Variants in PGM5 observed in about 807,000 individuals in gnomAD.
The protein encoded by PGM5 is phosphoglucomutase 5.
Under a neutral mutation model 59.2 loss-of-function variants are expected in PGM5, and 23 were observed. That is an observed-to-expected ratio of 0.39 (90% CI 0.28 to 0.55). PGM5 has a LOEUF of 0.55. Among genes scored for constraint, PGM5 ranks in the 20% least tolerant of loss-of-function variants. The pLI is 0.66. For synonymous variants in PGM5, 214 were observed against 286.0 expected (o/e 0.75, Z 2.54); for missense variants, 574 against 748.3 (o/e 0.77, Z 2.72).
At chr9:68,383,349 T>G (rs1822125822) in intron 2 of PGM5, among the ~76,000 whole-genome samples, 1 of 152,110 alleles carries the variant, frequency 6.6e-6, no homozygotes, top group Non-Finnish European at 1.5e-5. Flanking sequence ...AACTACTATA[T>G]CTAAAATATT....
At chr9:68,370,724 T>C (rs1821675344) in intron 1 of PGM5, among the ~76,000 whole-genome samples, 2 of 152,354 alleles carry the variant, frequency 1.3e-5, no homozygotes, top group South Asian at 4.1e-4. Flanking sequence ...GGTATGCTCA[T>C]TTATGGATGA....
chr9:68,394,249 C>T (rs1286198409), intron 6 of PGM5: 3 of 152,092 alleles, frequency 2.0e-5, no homozygotes, highest in African/African-American at 7.2e-5. Context: ...ATAAATTTTA[C>T]CTTATGAATG....
intron 6 of PGM5, among the ~76,000 whole-genome samples, chr9:68,406,953 T>C (rs1554681188): frequency 1.3e-5 from 2 of 151,768 alleles, no homozygotes; most frequent in African/African-American, 4.8e-5. Context: ...TTTCTTGCTG[T>C]GTATATTCAC....
At chr9:68,510,372 C>T (rs964158399) in intron 10 of PGM5, among the ~76,000 whole-genome samples, 5 of 151,900 alleles carry the variant, frequency 3.3e-5, no homozygotes, top group Non-Finnish European at 7.4e-5. Context: ...AGGATGGTCT[C>T]GATCTCCTGA....
chr9:68,376,952 A>C (rs1821936042), intron 1 of PGM5, among the ~76,000 whole-genome samples: 1 of 141,664 alleles, frequency 7.1e-6, no homozygotes, highest in Non-Finnish European at 1.5e-5. Context: ...CCTCAGACAG[A>C]GTCTCACTCT....
intron 6 of PGM5, among the ~76,000 whole-genome samples, chr9:68,417,314 C>T (rs1823050381): frequency 6.6e-6 from 1 of 152,204 alleles, no homozygotes; most frequent in African/African-American, 2.4e-5. Context: ...CTTCAGCTTT[C>T]AGGCTGATCC....
chr9:68,521,650 G>A (rs1249434890), intron 10 of PGM5, among the ~76,000 whole-genome samples: 1 of 152,168 alleles, frequency 6.6e-6, no homozygotes, highest in Admixed American at 6.5e-5. Context: ...AGGGACATTT[G>A]GGAGGGATGG....
chr9:68,361,683 T>C lies in PGM5; in HGVS notation c.261+4295T>C, dbSNP rs540660494. 6.6e-5 allele frequency among the ~76,000 whole-genome samples: 10 copies of C among 152,332 alleles called. No individual in the cohort carries two copies. The South Asian group carries it at 2.1e-3, about 32-fold the overall frequency. On this transcript the variant is annotated intron_variant, in intron 1 of 10. Coordinates refer to ENST00000396396, the MANE Select transcript of PGM5 (RefSeq NM_021965.4). ...TTTATAAGGGCACTAATTCCAATCA[T>C]GAGGGCTCTGTCCTTATGATCTAAT...
chr9:68,526,668 A>C (rs1307183759), intron 10 of PGM5, among the ~76,000 whole-genome samples: 2 of 152,170 alleles, frequency 1.3e-5, no homozygotes, highest in African/African-American at 4.8e-5. Context: ...TGATTCCTTT[A>C]TATTACAGCG....
rs1300830518 is a variant in PGM5, at chr9:68,457,653, A to G, written c.1044-7440A>G. ...ATGCTAATTGGATATAGAAAAGAGA[A>G]CAAACAAAAATAGTTTAAGAGACAT... On this transcript the variant is annotated intron_variant, in intron 6 of 10. Coordinates refer to ENST00000396396, the MANE Select transcript of PGM5 (RefSeq NM_021965.4). Among the ~76,000 whole-genome samples the G allele has an allele frequency of 3.3e-5, 5 of 152,364 alleles. No homozygotes were observed. The East Asian group carries it at 9.6e-4, about 29-fold the overall frequency.
At chr9:68,403,667 AC>A (rs782464550) in intron 6 of PGM5, among the ~76,000 whole-genome samples, 18 of 152,340 alleles carry the variant, frequency 1.2e-4, no homozygotes, top group Admixed American at 3.3e-4. Context: ...CAATATTGGT[AC>A]CAGATTATCT....
chr9:68,519,230 A>G (rs1200552564), intron 10 of PGM5, among the ~76,000 whole-genome samples: 1 of 152,238 alleles, frequency 6.6e-6, no homozygotes, highest in East Asian at 1.9e-4. Flanking sequence ...GATATTTGGA[A>G]TAAAATGCAG....
chr9:68,411,415 A>G (rs1406193560), intron 6 of PGM5, among the ~76,000 whole-genome samples: 4 of 135,296 alleles, frequency 3.0e-5, no homozygotes, highest in African/African-American at 1.1e-4. Context: ...ATATACACAC[A>G]TACATGTGTG....
chr9:68,441,434 G>A (rs1329216566), intron 6 of PGM5, among the ~76,000 whole-genome samples: 7 of 152,054 alleles, frequency 4.6e-5, no homozygotes, highest in African/African-American at 1.4e-4. Context: ...AAAGTCAGTG[G>A]GATTTACTGG....
chr9:68,524,045 A>C (rs548727817), intron 10 of PGM5, among the ~76,000 whole-genome samples: 3 of 152,190 alleles, frequency 2.0e-5, no homozygotes, highest in African/African-American at 7.2e-5. Context: ...CAATGACATA[A>C]AGCAAAAGAG....
At chr9:68,393,735 C>G (rs1822424606) in intron 6 of PGM5, 5 of 152,168 alleles carry the variant, frequency 3.3e-5, no homozygotes, top group Admixed American at 3.3e-4. Flanking sequence ...AAAATGGAGC[C>G]TACAGCTGAC....
intron 10 of PGM5, among the ~76,000 whole-genome samples, chr9:68,509,419 G>T (rs62548560): frequency 1.2e-4 from 19 of 152,206 alleles, no homozygotes; most frequent in Non-Finnish European, 2.5e-4. Context: ...GGCAGGTTGG[G>T]CCTGTGTACT....
chr9:68,462,547 G>A (rs562174051), intron 6 of PGM5, among the ~76,000 whole-genome samples: 1 of 152,190 alleles, frequency 6.6e-6, no homozygotes, highest in Non-Finnish European at 1.5e-5. Flanking sequence ...AAATCCAGCC[G>A]CAGCTTTCAG....
intron 6 of PGM5, among the ~76,000 whole-genome samples, chr9:68,463,704 T>G (rs1401827052): frequency 6.6e-6 from 1 of 152,188 alleles, no homozygotes; most frequent in Non-Finnish European, 1.5e-5. Context: ...ACTGATTTCT[T>G]TTACTTAATA....
Sources: gnomAD v4.1 joint callset for allele counts (sites outside exome capture counted in the v4.1 genomes callset) on GRCh38, gnomAD v4.1.1 for gene constraint, MANE v1.5 for transcripts, NCBI Gene and HGNC (gene_info 2026-07-23, HGNC 2026-07-21) for gene names.